SHLD1: variants seen among roughly 807,000 people sequenced by gnomAD.
SHLD1 encodes RINN1-REV7-interacting novel NHEJ regulator 3.
A neutral mutation model predicts 5.5 loss-of-function variants in SHLD1; 3 were observed. The ratio of observed to expected loss-of-function variants is 0.54; its 90% CI spans 0.25 to 1.40. The LOEUF is 1.40. SHLD1 is among the 40% of genes most tolerant of loss of function. The pLI, the probability that SHLD1 is intolerant of heterozygous loss-of-function variation, is 0.15. For missense variants in SHLD1, 210 were observed against 244.4 expected (o/e 0.86, Z 0.94); for synonymous variants, 92 against 94.3 (o/e 0.98, Z 0.14).
intron 1 of SHLD1, among the ~76,000 whole-genome samples, chr20:5,753,083 G>A (rs1403902483): frequency 6.6e-6 from 1 of 152,176 alleles, no homozygotes; most frequent in South Asian, 2.1e-4. Context: ...ACAGGCATGA[G>A]CCACCGCACC....
At chr20:5,850,849 A>G (rs1182324942) in intron 2 of SHLD1, among the ~76,000 whole-genome samples, 3 of 152,090 alleles carry the variant, frequency 2.0e-5, no homozygotes, top group African/African-American at 7.2e-5. Flanking sequence ...TTTACTCTGC[A>G]TTGCCTCCTG....
At chr20:5,802,938 C>T (rs916884517) in intron 2 of SHLD1, among the ~76,000 whole-genome samples, 3 of 152,196 alleles carry the variant, frequency 2.0e-5, no homozygotes, top group Non-Finnish European at 2.9e-5. Context: ...ACTGCAGGGC[C>T]AGGACCAAGA....
intron 2 of SHLD1, among the ~76,000 whole-genome samples, chr20:5,852,914 G>A (rs189566523): frequency 6.6e-6 from 1 of 152,156 alleles, no homozygotes; most frequent in Non-Finnish European, 1.5e-5. Context: ...AACTTTTGTT[G>A]CTTGTGTTTC....
At chr20:5,811,318 A>G (rs7262514) in intron 2 of SHLD1, among the ~76,000 whole-genome samples, 52,896 of 151,956 alleles carry the variant, frequency 0.35, 10,924 homozygotes, top group East Asian at 0.46. Context: ...ATAGGACAGG[A>G]GAGCCACAGC....
intron 1 of SHLD1, among the ~76,000 whole-genome samples, chr20:5,753,810 C>G (rs998033864): frequency 6.6e-6 from 1 of 152,206 alleles, no homozygotes; most frequent in African/African-American, 2.4e-5. Flanking sequence ...AAATCAGACA[C>G]TGGCTCCTCA....
chr20:5,770,942 C>T (rs1047336863), intron 1 of SHLD1, among the ~76,000 whole-genome samples: 2 of 152,260 alleles, frequency 1.3e-5, no homozygotes, highest in East Asian at 3.9e-4. Context: ...CCAGCCCTTC[C>T]TCTTTCAAAT....
At chr20:5,768,456 A>T (rs539658107) in intron 1 of SHLD1, among the ~76,000 whole-genome samples, 350 of 152,316 alleles carry the variant, frequency 2.3e-3, no homozygotes, top group Admixed American at 5.0e-3. Context: ...TGTGTTAACA[A>T]GGTATGTGTC....
At chr20:5,824,179 A>G (rs1297441499) in intron 2 of SHLD1, among the ~76,000 whole-genome samples, 1 of 152,076 alleles carries the variant, frequency 6.6e-6, no homozygotes, top group Non-Finnish European at 1.5e-5. Context: ...TCTGGTCTTC[A>G]CACATAAGCT....
In SHLD1 at chr20:5,756,487, TG is replaced by T. The variant is rs1984110532; in HGVS notation, c.-5+6009del. Among the ~76,000 whole-genome samples, 5 of 152,262 alleles carry T rather than the reference TG, an allele frequency of 3.3e-5. No individual in the cohort carries two copies. In the South Asian group the frequency reaches 1.0e-3, roughly 32 times the overall value. ...CAGTATACATCTTACATGTCTTTAA[TG>T]TATTTCTAGGATTGTATTCTTTTCT... On this transcript the variant is annotated intron_variant, in intron 1 of 2. Coordinates refer to ENST00000303142, the MANE Select transcript of SHLD1 (RefSeq NM_152504.4).
chr20:5,767,307 T>C (rs1229437106), intron 1 of SHLD1, among the ~76,000 whole-genome samples: 1 of 151,934 alleles, frequency 6.6e-6, no homozygotes, highest in Admixed American at 6.6e-5. Context: ...CTAACATGTA[T>C]TTTTTAAATT....
intron 2 of SHLD1, among the ~76,000 whole-genome samples, chr20:5,848,438 GAAC>G (rs1391707986): frequency 6.6e-6 from 1 of 152,210 alleles, no homozygotes; most frequent in Non-Finnish European, 1.5e-5. Flanking sequence ...AGAATCACTT[GAAC>G]CCGGGAGGCA....
chr20:5,816,450 T>G (rs748527822), intron 2 of SHLD1, among the ~76,000 whole-genome samples: 3 of 152,160 alleles, frequency 2.0e-5, no homozygotes, highest in Non-Finnish European at 4.4e-5. Flanking sequence ...TAAATTTGGG[T>G]GCATGAGAGA....
chr20:5,756,346 A>G (rs1256777051), intron 1 of SHLD1, among the ~76,000 whole-genome samples: 3 of 152,080 alleles, frequency 2.0e-5, no homozygotes, highest in Non-Finnish European at 4.4e-5. Flanking sequence ...TATCAAAGAT[A>G]TTTCTATTTG....
intron 2 of SHLD1, chr20:5,773,439 CT>C (rs753884936): frequency 9.0e-4 from 378 of 421,950 alleles, no homozygotes; most frequent in Non-Finnish European, 1.3e-3. Flanking sequence ...AAAATAGAGA[CT>C]TTAGCATTCC....
intron 2 of SHLD1, among the ~76,000 whole-genome samples, chr20:5,853,032 G>A (rs2088032403): frequency 6.6e-6 from 1 of 152,088 alleles, no homozygotes; most frequent in Non-Finnish European, 1.5e-5. Flanking sequence ...GAGGTCTATT[G>A]TGTATTAAAG....
At position 5,855,661 on chromosome 20, in the gene SHLD1, C is replaced by T. The variant is rs557334792; in HGVS notation, c.179-7363C>T. ...TGCTGGGATTATAGACATGAGCCGC[C>T]GCACCTGGCCTGCCAACCACATTTT... is the stretch of plus-strand genomic sequence containing the variant. On this transcript the variant is annotated intron_variant, in intron 2 of 2. Transcript: ENST00000303142. This position sits in a 1 kb window ranked among gnomAD's most constrained non-coding sequence, Gnocchi z 4.4. Among the ~76,000 whole-genome samples, 304 of 152,256 alleles carry T rather than the reference C, an allele frequency of 2.0e-3. 2 individuals are homozygous for T. Among genetic ancestry groups the T allele is most frequent in the African/African-American group, 7.0e-3 (289 of 41,544 alleles).
chr20:5,764,967 C>T (rs141943135), intron 1 of SHLD1: 1 of 152,266 alleles, frequency 6.6e-6, no homozygotes, highest in East Asian at 1.9e-4. Context: ...GAATGGCTGT[C>T]TCCTCCTGGT....
intron 2 of SHLD1, among the ~76,000 whole-genome samples, chr20:5,780,421 G>T (rs937457463): frequency 3.3e-5 from 5 of 152,256 alleles, no homozygotes; most frequent in Admixed American, 3.3e-4. Context: ...CAGGCACGCT[G>T]GAGAGAATAC....
At chr20:5,827,420 G>A (rs1487279447) in intron 2 of SHLD1, among the ~76,000 whole-genome samples, 1 of 152,224 alleles carries the variant, frequency 6.6e-6, no homozygotes, top group African/African-American at 2.4e-5. Context: ...GGGTGGAGAC[G>A]GGGAGAGCAG....
Sources: gnomAD v4.1 joint callset for allele counts (sites outside exome capture counted in the v4.1 genomes callset) on GRCh38, gnomAD v4.1.1 for gene constraint, Gnocchi (gnomAD v3.1) non-coding constraint, MANE v1.5 for transcripts, NCBI Gene and HGNC (gene_info 2026-07-23, HGNC 2026-07-21) for gene names.